Variants in HDAC4 observed in about 807,000 individuals in gnomAD.
The protein encoded by HDAC4 is histone deacetylase 4.
Under a neutral mutation model 135.1 loss-of-function variants are expected in HDAC4, and 16 were observed. That is an observed-to-expected ratio of 0.12 (90% confidence interval 0.08 to 0.18). HDAC4 has a LOEUF of 0.18. HDAC4 is among the 10% of genes least tolerant of loss of function. The pLI, the probability that HDAC4 is intolerant of heterozygous loss-of-function variation, is 1.00. For missense variants in HDAC4, 1,143 were observed against 1,511.8 expected, an observed-to-expected ratio of 0.76 and a Z score of 4.05; for synonymous variants, 685 against 653.4, an observed-to-expected ratio of 1.05 and a Z score of -0.74.
chr2:239,358,256 G>A (rs1457475106), intron 1 of HDAC4, among the ~76,000 whole-genome samples: 1 of 152,124 alleles, frequency 6.6e-6, no homozygotes, highest in Non-Finnish European at 1.5e-5. Context: ...ATCTGCTTCC[G>A]TTCGTGTGGA....
chr2:239,291,730 C>T (rs555296781), intron 2 of HDAC4, among the ~76,000 whole-genome samples: 64 of 152,290 alleles, frequency 4.2e-4, no homozygotes, highest in African/African-American at 1.4e-3. Flanking sequence ...AGGGCAATAT[C>T]TATGTAAGAG....
rs1190951339 is a variant in HDAC4 at position 239,262,197 on chromosome 2, C to T, written c.23-25533G>A. On this transcript the variant is annotated intron_variant, in intron 2 of 26. Coordinates refer to ENST00000543185, the MANE Select transcript of HDAC4 (RefSeq NM_001378414.1). This position sits in a 1 kb window ranked among gnomAD's most constrained non-coding sequence, Gnocchi z 4.1. ...GACCCACGACAAGGTATCCACGTGG[C>T]TTTTTATAAGCTAGTATTTCCTCCT... Among the ~76,000 whole-genome samples, 1 of 152,152 alleles carries T rather than the reference C, an allele frequency of 6.6e-6. No homozygotes were observed. The highest frequency in any genetic ancestry group is 2.4e-5 in the African/African-American group (1 of 41,438).
At chr2:239,196,556 C>T (rs954728218) in intron 3 of HDAC4, among the ~76,000 whole-genome samples, 1 of 152,172 alleles carries the variant, frequency 6.6e-6, no homozygotes, top group South Asian at 2.1e-4. Context: ...AGGACAGTCT[C>T]GAGTCCGAGT....
intron 2 of HDAC4, among the ~76,000 whole-genome samples, chr2:239,239,824 C>T (rs545684545): frequency 7.2e-5 from 11 of 152,300 alleles, no homozygotes; most frequent in Middle Eastern, 3.4e-3. Flanking sequence ...GCCTGCCTCT[C>T]GCGGAACAGG....
intron 16 of HDAC4, among the ~76,000 whole-genome samples, chr2:239,095,679 C>T (rs2036954538): frequency 6.6e-6 from 1 of 152,168 alleles, no homozygotes; most frequent in African/African-American, 2.4e-5. Context: ...CCCTCGAAAC[C>T]CCCACCCCAC....
rs1368130635 is a variant in HDAC4 at position 239,134,320 on chromosome 2, C to T, written c.1219G>A (p.Gly407Arg). 5.6e-6 allele frequency: 9 copies of T among 1,613,734 alleles called. No homozygotes were observed. The highest frequency in any genetic ancestry group is 7.6e-6 in the Non-Finnish European group (9 of 1,180,032). Residue 407 changes from glycine to arginine, a missense_variant, in exon 11 of 27, where the codon GGG (glycine) becomes AGG (arginine). Physicochemically the swap from Gly to Arg is moderately radical, Grantham distance 125 (BLOSUM62 -2). Transcript: ENST00000543185. ...TGCAGAAGAGGGCTGTGCGCTGCCC[C>T]TCCGTCCCGCTCCAAGGGCGAGGTG... ...LSTSPLERDG[G>R]AAHSPLLQHM...
At chr2:239,291,025 C>A (rs1575622710) in intron 2 of HDAC4, among the ~76,000 whole-genome samples, 1 of 152,246 alleles carries the variant, frequency 6.6e-6, no homozygotes, top group East Asian at 1.9e-4. Flanking sequence ...AAGGAAAGAG[C>A]CGTTCAGAAG....
intron 5 of HDAC4, 79 bp downstream of exon 5, chr2:239,176,334 C>G: frequency 3.0e-6 from 1 of 333,946 alleles, no homozygotes; most frequent in Admixed American, 5.3e-5. Flanking sequence ...CTCCCTCCCT[C>G]TGCCCAGCCT....
rs7573580 is a variant in HDAC4, at chr2:239,139,610, T to C, written c.978+74A>G. 7,862 of 1,314,808 alleles carry C rather than the reference T, an allele frequency of 6.0e-3. 368 individuals carry two copies. The African/African-American group carries it at 0.099, about 17-fold the overall frequency. 81.4% of individuals were successfully genotyped at this position (1,314,808 alleles called of 1,614,324 possible). On this transcript the variant is annotated intron_variant, in intron 9 of 26. Coordinates refer to ENST00000543185, the MANE Select transcript of HDAC4 (RefSeq NM_001378414.1). This position sits in a 1 kb window ranked among gnomAD's most constrained non-coding sequence, Gnocchi z 5.3. ...TGAAGAGTGAAGGGCAAGTGCAAAG[T>C]GGGGTCATTTCAAGCTCATCCGTCC...
chr2:239,331,166 G>A lies in HDAC4; in HGVS notation c.22+21512C>T, dbSNP rs1316683122. On this transcript the variant is annotated intron_variant, in intron 2 of 26. Coordinates refer to ENST00000543185, the MANE Select transcript of HDAC4 (RefSeq NM_001378414.1). The surrounding 1 kb of genome is among the most constrained non-coding windows in gnomAD (Gnocchi z 4.5). ...GGCTGATGGGCCATCGGAGCAAAGC[G>A]CGGCCAGCACTGTCGTGACATTGAT... 1.3e-5 allele frequency among the ~76,000 whole-genome samples: 2 copies of A among 152,188 alleles called. No homozygotes were observed. The highest frequency in any genetic ancestry group is 2.9e-5 in the Non-Finnish European group (2 of 68,042).
chr2:239,049,566 C>A lies in HDAC4; in HGVS notation c.*3531G>T, dbSNP rs1355065183. 1 of 152,442 alleles carries A rather than the reference C, an allele frequency of 6.6e-6. No individual in the cohort carries two copies. The highest frequency in any genetic ancestry group is 1.5e-5 in the Non-Finnish European group (1 of 68,036). The allele number at this position is 152,442 out of a possible 1,614,324, so 9.4% of individuals were successfully genotyped here. A position where few individuals can be genotyped will look rare whatever the true frequency, so the allele number is the denominator to read the frequency against. On this transcript the variant is annotated 3_prime_UTR_variant, in exon 27 of 27. Coordinates refer to ENST00000543185, the MANE Select transcript of HDAC4 (RefSeq NM_001378414.1). ...GAATGGAATGAGCACGTGGCTGTGA[C>A]CAGTAAAGAAGGAATGTTCTGATCA...
At chr2:239,122,344 G>A (rs969262073) in intron 12 of HDAC4, among the ~76,000 whole-genome samples, 1 of 152,220 alleles carries the variant, frequency 6.6e-6, no homozygotes, top group Non-Finnish European at 1.5e-5. Flanking sequence ...TTAATAGAAA[G>A]AGGTATTTCG....
chr2:239,201,761 G>A (rs1489750977), intron 3 of HDAC4, among the ~76,000 whole-genome samples: 1 of 152,196 alleles, frequency 6.6e-6, no homozygotes, highest in Non-Finnish European at 1.5e-5. Context: ...TCCTGAAACA[G>A]TATTTTCACT....
intron 2 of HDAC4, among the ~76,000 whole-genome samples, chr2:239,295,262 G>C (rs1345339013): frequency 1.5e-5 from 2 of 129,532 alleles, no homozygotes; most frequent in African/African-American, 3.0e-5. Flanking sequence ...AGCCGAGATC[G>C]CGCCCCTGCA....
Position 239,352,684 on chromosome 2 carries a change from G to C in HDAC4, c.16C>G (p.His6Asp). 1 of 1,556,830 alleles carries C rather than the reference G, an allele frequency of 6.4e-7. No individual in the cohort carries two copies. The highest frequency in any genetic ancestry group is 8.7e-7 in the Non-Finnish European group (1 of 1,149,188). MSSQS[H>D]PDGLSGRDQP... ...AGAAATGACCCGGCCTTACCTGGAT[G>C]GCTTTGGGAGCTCATTGCTAGCAAT... is the stretch of plus-strand genomic sequence containing the variant. Residue 6 changes from histidine to aspartate, a missense_variant, in exon 2 of 27, where the codon CAT (histidine) becomes GAT (aspartate). Around this residue, in one of 9 missense-constraint regions of HDAC4, gnomAD observed 247 missense variants for 310.0 expected, o/e 0.80. Transcript: ENST00000543185. This position sits in a 1 kb window ranked among gnomAD's most constrained non-coding sequence, Gnocchi z 4.4.
chr2:239,398,816 C>T (rs1370759056), intron 1 of HDAC4, among the ~76,000 whole-genome samples: 1 of 152,260 alleles, frequency 6.6e-6, no homozygotes, highest in Non-Finnish European at 1.5e-5. Flanking sequence ...CCCTCCACCC[C>T]GTCCCCTTAG....
intron 24 of HDAC4, among the ~76,000 whole-genome samples, chr2:239,062,548 A>G (rs2032910273): frequency 6.6e-6 from 1 of 152,280 alleles, no homozygotes; most frequent in South Asian, 2.1e-4. Context: ...AACACGCATC[A>G]GGAAGCAAGA....
At chr2:239,397,698 G>T (rs964043004) in intron 1 of HDAC4, among the ~76,000 whole-genome samples, 2 of 152,192 alleles carry the variant, frequency 1.3e-5, no homozygotes, top group Non-Finnish European at 2.9e-5. Context: ...ACGCACAGAA[G>T]CCCAAGAGAA....
intron 3 of HDAC4, among the ~76,000 whole-genome samples, chr2:239,228,057 C>T (rs1002194629): frequency 9.9e-5 from 15 of 152,158 alleles, no homozygotes; most frequent in African/African-American, 3.1e-4. Flanking sequence ...GTGGAAGGGA[C>T]GGTGGTTGAG....
Sources: gnomAD v4.1 joint callset for allele counts (sites outside exome capture counted in the v4.1 genomes callset) on GRCh38, gnomAD v4.1.1 for gene constraint, gnomAD v4.1.1 regional missense constraint, Gnocchi (gnomAD v3.1) non-coding constraint, MANE v1.5 for transcripts, NCBI Gene and HGNC (gene_info 2026-07-23, HGNC 2026-07-21) for gene names.